The following MIA3 variants were observed in gnomAD, a reference collection of about 807,000 sequenced individuals.
MIA3 encodes the protein MIA SH3 domain ER export factor 3.
MIA3 carries 90 observed loss-of-function variants against 192.4 expected under a neutral mutation model. The ratio of observed to expected loss-of-function variants is 0.47; its 90% confidence interval spans 0.39 to 0.56. The LOEUF (loss-of-function observed/expected upper bound fraction) is 0.56. Ranked by LOEUF, MIA3 falls within the 20% of genes least tolerant of loss-of-function variation. MIA3 has a pLI of 0.00. For missense variants in MIA3, 2,123 were observed against 2,269.4 expected (o/e 0.94, Z 1.31); for synonymous variants, 740 against 792.8 (o/e 0.93, Z 1.12).
intron 6 of MIA3, 82 bp downstream of exon 6, chr1:222,633,331 T>G: frequency 8.5e-7 from 1 of 1,171,172 alleles, no homozygotes; most frequent in Non-Finnish European, 1.2e-6. Flanking sequence ...GGTGAAGAAC[T>G]TAAAATGTCT....
In MIA3 at chr1:222,665,310, C is replaced by A; in HGVS notation, c.5415C>A (p.Gly1805=). Reference sequence around the variant, plus strand: ...CTGGAAATAATTTTTGTTTTCCAGGCCCTGGTATGCGTCCACCACTAGGCT... The same window carrying A: ...CTGGAAATAATTTTTGTTTTCCAGGACCTGGTATGCGTCCACCACTAGGCT... ...FGPRPLPPPF[G]PGMRPPLGLR... is the part of the protein sequence containing the mutation. Residue 1805 remains glycine, a splice_region_variant and synonymous_variant, in exon 28 of 28, where the codon GGC becomes GGA. Coordinates refer to ENST00000344922, the MANE Select transcript of MIA3 (RefSeq NM_198551.4). The A allele has an allele frequency of 3.1e-6, 5 of 1,587,442 alleles. No individual in the cohort carries two copies. The highest frequency in any genetic ancestry group is 4.3e-6 in the Non-Finnish European group (5 of 1,169,138).
chr1:222,655,923 C>T (rs1011212331), intron 18 of MIA3, among the ~76,000 whole-genome samples: 2 of 150,380 alleles, frequency 1.3e-5, no homozygotes, highest in African/African-American at 4.9e-5. Flanking sequence ...TCTTTTATGC[C>T]AGTCCCCTAG....
chr1:222,666,648 C>G lies in MIA3; in HGVS notation c.*1029C>G, dbSNP rs1010276971. ...TGATTTAGGACTGTGAGGGTTATAA[C>G]ATGCCCTAGGTCAGCAACCAAGGGT... On this transcript the variant is annotated 3_prime_UTR_variant, in exon 28 of 28. Coordinates refer to ENST00000344922, the MANE Select transcript of MIA3 (RefSeq NM_198551.4). The G allele has an allele frequency of 6.6e-5, 9 of 137,396 alleles. No homozygotes were observed. The highest frequency in any genetic ancestry group is 2.2e-4 in the African/African-American group (8 of 36,556). 8.5% of individuals were successfully genotyped at this position (137,396 alleles called of 1,614,324 possible).
chr1:222,624,869 T>A lies in MIA3; in HGVS notation c.354+15T>A, dbSNP rs555552594. 2.7e-6 allele frequency: 4 copies of A among 1,461,042 alleles called. No individual in the cohort carries two copies. The East Asian group carries it at 9.1e-5, about 33-fold the overall frequency. 90.5% of individuals were successfully genotyped at this position (1,461,042 alleles called of 1,614,324 possible). ...TTCCAACAGATGTAAGTTGTGGATT[T>A]CTGTCTTGTTCTCAGTTATAAGTTG... On this transcript the variant is annotated intron_variant, in intron 3 of 27. Transcript: ENST00000344922.
rs370671846 is a variant in MIA3, at chr1:222,654,421, T to C, written c.4410T>C (p.Asp1470=). The C allele has an allele frequency of 9.5e-5, 153 of 1,613,824 alleles. No homozygotes were observed. Among genetic ancestry groups the C allele is most frequent in the Non-Finnish European group, 1.0e-4 (123 of 1,179,988 alleles). The part of the protein sequence containing the change: ...TQTAISVVEE[D]LKLLQLKLRA... ...CTGCAATATCGGTAGTTGAAGAGGA[T>C]CTAAAGCTTTTACAGCTTAAGCTAA... The change falls in exon 17 of 28, where the codon GAT becomes GAC. Residue 1470 remains aspartate, a synonymous_variant. Transcript: ENST00000344922.
At chr1:222,650,410 T>C (rs1663368525) in intron 9 of MIA3, 30 bp downstream of exon 9, 3 of 1,168,074 alleles carry the variant, frequency 2.6e-6, no homozygotes, top group South Asian at 2.7e-5. Context: ...TTTTTTTTTT[T>C]CATGGTCCCA....
chr1:222,639,770 C>T (rs560127225), intron 6 of MIA3, among the ~76,000 whole-genome samples: 1 of 152,200 alleles, frequency 6.6e-6, no homozygotes, highest in Admixed American at 6.5e-5. Flanking sequence ...AAGACTTAAA[C>T]ATCATACTTA....
In MIA3 at chr1:222,621,925, C is replaced by T. The variant is rs186398838; in HGVS notation, c.267+633C>T. On this transcript the variant is annotated intron_variant, in intron 2 of 27. Transcript: ENST00000344922. ...CCGGGTTCACGCCATTCTCCTGCCT[C>T]AGCCTCCCGAGTAGCTGGGGCTGCA... is the stretch of plus-strand genomic sequence containing the variant. 2.1e-4 allele frequency among the ~76,000 whole-genome samples: 32 copies of T among 152,116 alleles called. No individual in the cohort carries two copies. The East Asian group carries it at 5.8e-3, about 28-fold the overall frequency.
intron 4 of MIA3, 43 bp from the exon 5 acceptor site, chr1:222,632,122 T>C (rs1204639887): frequency 1.3e-6 from 2 of 1,588,240 alleles, no homozygotes; most frequent in East Asian, 2.2e-5. Flanking sequence ...TAACAGGTAG[T>C]GTCATCAAGC....
At chr1:222,652,984 G>C in intron 13 of MIA3, 24 bp from the exon 14 acceptor site, 1 of 1,601,912 alleles carries the variant, frequency 6.2e-7, no homozygotes, top group Non-Finnish European at 8.5e-7. Context: ...TAACCTGTGG[G>C]AATCATGTGT....
chr1:222,663,239 T>C (rs1039337773), intron 26 of MIA3, among the ~76,000 whole-genome samples: 1 of 152,164 alleles, frequency 6.6e-6, no homozygotes, highest in Admixed American at 6.5e-5. Flanking sequence ...TACTTCCAAG[T>C]TCCAGCACAG....
At chr1:222,649,791 G>T (rs1188436744) in intron 8 of MIA3, 1 of 160,496 alleles carries the variant, frequency 6.2e-6, no homozygotes, top group East Asian at 1.8e-4. Flanking sequence ...CCTGATACTG[G>T]GTAATTTATA....
intron 18 of MIA3, among the ~76,000 whole-genome samples, chr1:222,658,101 A>G (rs1015047754): frequency 1.3e-5 from 2 of 152,224 alleles, no homozygotes; most frequent in Non-Finnish European, 2.9e-5. Context: ...CACCCTGATT[A>G]CAGGACAGTT....
chr1:222,663,821 T>C, intron 26 of MIA3, 177 bp from the exon 27 acceptor site: 1 of 611,376 alleles, frequency 1.6e-6, no homozygotes, highest in Non-Finnish European at 2.9e-6. Context: ...GGCATACTTT[T>C]AACCTTTCTA....
Position 222,658,737 on chromosome 1 carries a change from A to G in MIA3, c.4623A>G (p.Glu1541=). ...TTTATCTTAGGAAACTGAGTCAAGAAGAGTATGAACGGCAAGAAAGAGAGC... is the reference window on the plus strand; with the variant it reads ...TTTATCTTAGGAAACTGAGTCAAGAGGAGTATGAACGGCAAGAAAGAGAGC... ...EMALQKKLSQ[E]EYERQEREHR... The change falls in exon 19 of 28, where the codon GAA becomes GAG. Residue 1541 remains glutamate, a synonymous_variant. Coordinates refer to ENST00000344922, the MANE Select transcript of MIA3 (RefSeq NM_198551.4). 1 of 1,610,154 alleles carries G rather than the reference A, an allele frequency of 6.2e-7. No homozygotes were observed. Among genetic ancestry groups the G allele is most frequent in the Non-Finnish European group, 8.5e-7 (1 of 1,178,630 alleles).
intron 18 of MIA3, among the ~76,000 whole-genome samples, chr1:222,656,009 G>A (rs933626288): frequency 1.6e-4 from 18 of 112,838 alleles, no homozygotes; most frequent in Non-Finnish European, 2.5e-4. Context: ...TCACTCTGCC[G>A]CCCAGGCTGG....
intron 6 of MIA3, among the ~76,000 whole-genome samples, chr1:222,639,362 A>G (rs1020906056): frequency 1.3e-5 from 2 of 152,210 alleles, no homozygotes; most frequent in Non-Finnish European, 2.9e-5. Context: ...AAGAGGAGAA[A>G]ATACTTCCCA....
In MIA3 at chr1:222,629,360, C is replaced by G. The variant is rs1294318081; in HGVS notation, c.2140C>G (p.Pro714Ala). ...QTDQTDSTGG[P>A]AFLSKVEEDD... ...AGACCAAACTGACAGCACAGGAGGA[C>G]CAGCTTTCCTTTCTAAAGTAGAAGA... Residue 714 changes from proline (P) to alanine (A), a missense_variant, in exon 4 of 28, where the codon CCA (proline) becomes GCA (alanine). Physicochemically the swap from Pro to Ala is conservative, Grantham distance 27. Transcript: ENST00000344922. 3 of 1,613,992 alleles carry G rather than the reference C, an allele frequency of 1.9e-6. No individual in the cohort carries two copies. Among genetic ancestry groups the G allele is most frequent in the East Asian group, 4.5e-5 (2 of 44,900 alleles).
chr1:222,654,361 G>C, intron 16 of MIA3, 28 bp from the exon 17 acceptor site: 1 of 1,612,156 alleles, frequency 6.2e-7, no homozygotes, highest in South Asian at 1.1e-5. Context: ...TCACTTTTAT[G>C]AATACTTGTC....
Sources: allele counts gnomAD v4.1 joint callset (sites outside exome capture counted in the v4.1 genomes callset), GRCh38; gene constraint gnomAD v4.1.1; transcripts MANE v1.5; gene names NCBI Gene and HGNC (gene_info 2026-07-23, HGNC 2026-07-21).